CUX1: variants seen among roughly 807,000 people sequenced by gnomAD.
CUX1 encodes the protein cut like homeobox 1.
In CUX1, 31 loss-of-function variants were observed where a neutral mutation model predicts 158.8. The ratio of observed to expected loss-of-function variants is 0.20; its 90% CI spans 0.15 to 0.26. The LOEUF (loss-of-function observed/expected upper bound fraction) is 0.26. CUX1 is among the 10% of genes least tolerant of loss of function. CUX1 has a pLI of 1.00. For synonymous variants in CUX1, 879 were observed against 862.1 expected, an observed-to-expected ratio of 1.02 and a Z score of -0.34; for missense variants, 1,589 against 2,014.6, an observed-to-expected ratio of 0.79 and a Z score of 4.04.
chr7:102,087,786 A>G (rs1437380272), intron 4 of CUX1, among the ~76,000 whole-genome samples: 1 of 152,194 alleles, frequency 6.6e-6, no homozygotes, highest in African/African-American at 2.4e-5. Flanking sequence ...ATTAACTTTT[A>G]AAGAAATTAA....
At chr7:102,243,636 AATAAT>A (rs1554535729) in intron 23 of CUX1, among the ~76,000 whole-genome samples, 3 of 87,182 alleles carry the variant, frequency 3.4e-5, no homozygotes, top group Non-Finnish European at 6.5e-5. Flanking sequence ...TACAGAAAAT[AATAAT>A]AATAATAATA....
intron 8 of CUX1, among the ~76,000 whole-genome samples, chr7:102,141,762 A>G (rs1248846421): frequency 6.7e-6 from 1 of 148,600 alleles, no homozygotes; most frequent in Non-Finnish European, 1.5e-5. Context: ...AGCTGGGATT[A>G]CAGGTGCACA....
chr7:101,845,761 A>G (rs1584740909), intron 1 of CUX1, among the ~76,000 whole-genome samples: 2 of 152,206 alleles, frequency 1.3e-5, no homozygotes, highest in Admixed American at 6.5e-5. Context: ...TTATGCCTAT[A>G]ATCCCCGCAC....
intron 2 of CUX1, among the ~76,000 whole-genome samples, chr7:101,931,812 T>C (rs1275207275): frequency 6.6e-6 from 1 of 152,168 alleles, no homozygotes; most frequent in Non-Finnish European, 1.5e-5. Context: ...CCTCCCAAAG[T>C]GCTGGGATTA....
rs150505359 is a variant in CUX1, at chr7:102,204,444, A to T, written c.2961A>T (p.Pro987=). The T allele has an allele frequency of 2.2e-5, 36 of 1,613,636 alleles. No individual in the cohort carries two copies. Among genetic ancestry groups the T allele is most frequent in the Non-Finnish European group, 2.8e-5 (33 of 1,180,036 alleles). ...SVSDMLSRPK[P]WSKLTQKGRE... ...GCGACATGCTGTCCCGACCGAAGCC[A>T]TGGAGCAAGCTGACGCAGAAAGGCC... The change falls in exon 19 of 24, where the codon CCA becomes CCT. Residue 987 remains proline (P), a synonymous_variant. Coordinates refer to ENST00000292535, the MANE Select transcript of CUX1 (RefSeq NM_181552.4).
intron 22 of CUX1, among the ~76,000 whole-genome samples, chr7:102,236,681 G>A (rs781923598): frequency 1.1e-4 from 16 of 152,114 alleles, no homozygotes; most frequent in Admixed American, 3.9e-4. Flanking sequence ...CCCCTCACCC[G>A]AGCAGCGTGA....
At chr7:101,917,028 G>T (rs1364848014) in intron 2 of CUX1, among the ~76,000 whole-genome samples, 2 of 152,194 alleles carry the variant, frequency 1.3e-5, no homozygotes, top group Non-Finnish European at 2.9e-5. Flanking sequence ...TCGGACCCCA[G>T]CCTCTCTTAC....
At chr7:101,825,724 C>T (rs576763940) in intron 1 of CUX1, among the ~76,000 whole-genome samples, 1 of 149,346 alleles carries the variant, frequency 6.7e-6, no homozygotes, top group East Asian at 2.0e-4. Context: ...ATGCTGTCAT[C>T]TTAAAACGCC....
chr7:102,140,994 A>T (rs558182406), intron 8 of CUX1, among the ~76,000 whole-genome samples: 1 of 152,026 alleles, frequency 6.6e-6, no homozygotes, highest in African/African-American at 2.4e-5. Flanking sequence ...CCTTTGTGGT[A>T]TTTTAGTGAT....
At chr7:101,893,175 TTTTTTTTTTTA>T (rs1312855777) in intron 1 of CUX1, among the ~76,000 whole-genome samples, 4,589 of 115,990 alleles carry the variant, frequency 0.04, 362 homozygotes, top group African/African-American at 0.13. Flanking sequence ...TTTTTTTTTT[TTTTTTTTTTTA>T]AAATAGAGAT....
intron 1 of CUX1, among the ~76,000 whole-genome samples, chr7:101,904,926 T>C (rs72603512): frequency 0.18 from 27,516 of 152,114 alleles, 4,262 homozygotes; most frequent in East Asian, 0.84. Flanking sequence ...TGGAGTCAGA[T>C]TGAATAGCAA....
chr7:102,006,679 G>A (rs1026671791), intron 2 of CUX1, among the ~76,000 whole-genome samples: 6 of 152,182 alleles, frequency 3.9e-5, no homozygotes, highest in South Asian at 2.1e-4. Context: ...CACCGTGCCC[G>A]GCCCTAGAAT....
At chr7:102,123,775 ACCT>A (rs1832323675) in intron 8 of CUX1, among the ~76,000 whole-genome samples, 1 of 151,890 alleles carries the variant, frequency 6.6e-6, no homozygotes, top group African/African-American at 2.4e-5. Context: ...CGATTTTCCC[ACCT>A]CAGCCACCCA....
chr7:102,224,690 A>C (rs1194930937), intron 20 of CUX1, among the ~76,000 whole-genome samples: 1 of 152,170 alleles, frequency 6.6e-6, no homozygotes. Context: ...CTGGGGGTTC[A>C]TGATGGCACA....
intron 12 of CUX1, among the ~76,000 whole-genome samples, chr7:102,190,719 CAG>C (rs1794182854): frequency 1.3e-5 from 2 of 152,180 alleles, no homozygotes; most frequent in Non-Finnish European, 2.9e-5. Flanking sequence ...GAGGCTTCCT[CAG>C]GGGTTCCTCC....
At chr7:101,865,380 T>C (rs531196585) in intron 1 of CUX1, among the ~76,000 whole-genome samples, 2 of 152,382 alleles carry the variant, frequency 1.3e-5, no homozygotes, top group Non-Finnish European at 1.5e-5. Context: ...TATTTCCTGA[T>C]GTGGTGGAGG....
chr7:101,994,256 A>T (rs1815523808), intron 2 of CUX1, among the ~76,000 whole-genome samples: 1 of 152,204 alleles, frequency 6.6e-6, no homozygotes, highest in Non-Finnish European at 1.5e-5. Flanking sequence ...CATTACTTGG[A>T]CATTCATTTC....
At chr7:102,073,637 G>A (rs1204292031) in intron 4 of CUX1, among the ~76,000 whole-genome samples, 5 of 152,094 alleles carry the variant, frequency 3.3e-5, no homozygotes, top group African/African-American at 9.7e-5. Flanking sequence ...AAAAAAGACC[G>A]TTTTTCTCAT....
At chr7:102,159,228 C>T (rs1161774515) in intron 9 of CUX1, among the ~76,000 whole-genome samples, 3 of 151,994 alleles carry the variant, frequency 2.0e-5, no homozygotes, top group African/African-American at 7.2e-5. Flanking sequence ...TAGGAGAGTT[C>T]CTTAGTGTAG....
Sources: gnomAD v4.1 joint callset for allele counts (sites outside exome capture counted in the v4.1 genomes callset) on GRCh38, gnomAD v4.1.1 for gene constraint, MANE v1.5 for transcripts, NCBI Gene and HGNC (gene_info 2026-07-23, HGNC 2026-07-21) for gene names.